The following ZNF469 variants were observed in gnomAD, a reference collection of about 807,000 sequenced individuals.
The protein encoded by ZNF469 is zinc finger protein 469.
Under a neutral mutation model 1.0 loss-of-function variants are expected in ZNF469, and 1 was observed. The ratio of observed to expected loss-of-function variants is 1.00; its 90% CI spans 0.35 to 4.73. The LOEUF is 4.73. Among genes scored for constraint, ZNF469 ranks in the 30% most tolerant of loss-of-function variants. ZNF469 has a pLI of 0.16. For missense variants in ZNF469, 6,100 were observed against 5,356.3 expected (o/e 1.14, Z -4.33); for synonymous variants, 2,703 against 2,363.4 (o/e 1.14, Z -4.17).
the ZNF469 span, among the ~76,000 whole-genome samples, chr16:88,259,967 T>C: frequency 1.6e-4 from 25 of 151,916 alleles, no homozygotes; most frequent in African/African-American, 4.8e-4. The surrounding 1 kb of genome is among the most constrained non-coding windows in gnomAD (Gnocchi z 4.1). Context: ...AAAAGTCACT[T>C]TTTTTTTGTT....
chr16:88,105,768 G>A, the ZNF469 span, among the ~76,000 whole-genome samples: 6 of 152,330 alleles, frequency 3.9e-5, no homozygotes, highest in Non-Finnish European at 8.8e-5. Flanking sequence ...GATTGATGAT[G>A]TCTGCCATGA....
the ZNF469 span, among the ~76,000 whole-genome samples, chr16:88,140,398 G>A: frequency 6.2e-4 from 86 of 137,876 alleles, 1 homozygote; most frequent in Non-Finnish European, 1.6e-4. Flanking sequence ...AAAGGAGGAC[G>A]GAGCCGTGTA....
At chr16:88,261,101 C>G in the ZNF469 span, among the ~76,000 whole-genome samples, 1 of 152,096 alleles carries the variant, frequency 6.6e-6, no homozygotes, top group Non-Finnish European at 1.5e-5. This position sits in a 1 kb window ranked among gnomAD's most constrained non-coding sequence, Gnocchi z 6.0. Flanking sequence ...CGGAGAGGCT[C>G]GAGCACGCTG....
At chr16:88,292,581 C>T in the ZNF469 span, among the ~76,000 whole-genome samples, 1 of 151,932 alleles carries the variant, frequency 6.6e-6, no homozygotes, top group African/African-American at 2.4e-5. Context: ...AAGCCTCGTA[C>T]AGCTAAGTCG....
the ZNF469 span, among the ~76,000 whole-genome samples, chr16:88,181,852 T>A: frequency 6.6e-6 from 1 of 152,182 alleles, no homozygotes; most frequent in African/African-American, 2.4e-5. Context: ...CTCTCATCAC[T>A]CTTATTAACA....
chr16:88,264,679 G>A, the ZNF469 span, among the ~76,000 whole-genome samples: 953 of 148,300 alleles, frequency 6.4e-3, 4 homozygotes, highest in Non-Finnish European at 0.011. Flanking sequence ...ACCTTTGTCC[G>A]GCCTCCCAGC....
intron 1 of ZNF469, among the ~76,000 whole-genome samples, chr16:88,402,930 A>G (rs12103059): frequency 7.9e-5 from 12 of 151,800 alleles, no homozygotes; most frequent in Admixed American, 2.0e-4. Flanking sequence ...GAGAACCCCC[A>G]CGCCGGGAAC....
chr16:88,305,940 G>A, the ZNF469 span, among the ~76,000 whole-genome samples: 309 of 151,696 alleles, frequency 2.0e-3, no homozygotes, highest in African/African-American at 6.2e-3. Context: ...ACACTGTCAC[G>A]TAAACCCACA....
chr16:88,397,396 A>G (rs1420508079), intron 1 of ZNF469, among the ~76,000 whole-genome samples: 2 of 152,124 alleles, frequency 1.3e-5, no homozygotes, highest in Non-Finnish European at 2.9e-5. Flanking sequence ...CCCTCCTGCC[A>G]TGCAGGTCTG....
the ZNF469 span, chr16:88,177,469 A>G: frequency 6.6e-6 from 1 of 152,076 alleles, no homozygotes; most frequent in African/African-American, 2.4e-5. This position sits in a 1 kb window ranked among gnomAD's most constrained non-coding sequence, Gnocchi z 4.8. Context: ...TATTAGTTAT[A>G]TTTGAAGCGA....
chr16:88,151,017 G>A, the ZNF469 span, among the ~76,000 whole-genome samples: 1 of 152,154 alleles, frequency 6.6e-6, no homozygotes, highest in Non-Finnish European at 1.5e-5. The surrounding 1 kb of genome is among the most constrained non-coding windows in gnomAD (Gnocchi z 5.4). Flanking sequence ...TATAATTTAC[G>A]ACTCACTAAT....
the ZNF469 span, among the ~76,000 whole-genome samples, chr16:88,119,802 G>T: frequency 2.6e-5 from 4 of 152,204 alleles, no homozygotes; most frequent in Non-Finnish European, 5.9e-5. Flanking sequence ...GCCTGGTCTT[G>T]GTTAACTGGG....
At position 88,431,068 on chromosome 16, in the gene ZNF469, A is replaced by C. The variant is rs758656171; in HGVS notation, c.3598A>C (p.Lys1200Gln). 6.5e-7 allele frequency: 1 copy of C among 1,549,382 alleles called. No individual in the cohort carries two copies. Among genetic ancestry groups the C allele is most frequent in the South Asian group, 1.2e-5 (1 of 84,040 alleles). ...TGCTGATCGCCCCTCAGTGGCCCCCAAGGATCCCCTGCAGGTCCCCACCAA... is the reference window on the plus strand; with the variant it reads ...TGCTGATCGCCCCTCAGTGGCCCCCCAGGATCCCCTGCAGGTCCCCACCAA... ...KCADRPSVAP[K>Q]DPLQVPTNTE... Residue 1200 changes from lysine (K) to glutamine (Q), a missense_variant, in exon 3 of 3, where the codon AAG becomes CAG. Lys to Gln is a moderately conservative substitution (Grantham distance 53). Coordinates refer to ENST00000565624, the MANE Select transcript of ZNF469 (RefSeq NM_001367624.2).
chr16:88,214,244 C>T, the ZNF469 span, among the ~76,000 whole-genome samples: 17 of 152,332 alleles, frequency 1.1e-4, no homozygotes, highest in Admixed American at 2.0e-4. Context: ...GATGAGAGCA[C>T]GCCCAGGGGT....
chr16:88,297,989 C>T, the ZNF469 span, among the ~76,000 whole-genome samples: 16 of 152,202 alleles, frequency 1.1e-4, no homozygotes, highest in Non-Finnish European at 1.6e-4. Context: ...CTTTATGTTA[C>T]GAGCAGGGCG....
the ZNF469 span, among the ~76,000 whole-genome samples, chr16:88,167,066 TTTTTTTTTTTTC>T: frequency 2.9e-5 from 4 of 139,160 alleles, no homozygotes; most frequent in African/African-American, 8.2e-5. Flanking sequence ...TTTTTTTTTT[TTTTTTTTTTTTC>T]TAAGAGGGAA....
At chr16:88,298,154 A>G in the ZNF469 span, among the ~76,000 whole-genome samples, 1 of 152,070 alleles carries the variant, frequency 6.6e-6, no homozygotes, top group African/African-American at 2.4e-5. Context: ...GCCACAGCCC[A>G]TGGGGTGAGG....
the ZNF469 span, among the ~76,000 whole-genome samples, chr16:88,376,718 G>A: frequency 2.0e-5 from 3 of 152,388 alleles, no homozygotes; most frequent in African/African-American, 7.2e-5. Context: ...GGTTACCGCG[G>A]CAGATGGGGA....
upstream of ZNF469, among the ~76,000 whole-genome samples, chr16:88,381,737 C>T (rs1012848466): frequency 3.3e-5 from 5 of 152,382 alleles, no homozygotes; most frequent in East Asian, 1.9e-4. Context: ...CACGTTTTCG[C>T]GTCCACTGGC....
Sources: allele counts gnomAD v4.1 joint callset (sites outside exome capture counted in the v4.1 genomes callset), GRCh38; gene constraint gnomAD v4.1.1; non-coding constraint Gnocchi (gnomAD v3.1); transcripts MANE v1.5; gene names NCBI Gene and HGNC (gene_info 2026-07-23, HGNC 2026-07-21).